PRKCH: variants seen among roughly 807,000 people sequenced by gnomAD.
PRKCH encodes the protein protein kinase C eta, also known as protein kinase C eta type.
In PRKCH, 28 loss-of-function variants were observed where a neutral mutation model predicts 82.5. That is an observed-to-expected ratio of 0.34 (90% CI 0.25 to 0.47). PRKCH has a LOEUF of 0.47. Among genes scored for constraint, PRKCH ranks in the 20% least tolerant of loss-of-function variants. PRKCH has a pLI of 1.00. For missense variants in PRKCH, 705 were observed against 881.8 expected, an observed-to-expected ratio of 0.80 and a Z score of 2.54; for synonymous variants, 322 against 327.4, an observed-to-expected ratio of 0.98 and a Z score of 0.18.
At chr14:61,332,959 C>T (rs936394146) in intron 1 of PRKCH, among the ~76,000 whole-genome samples, 9 of 152,254 alleles carry the variant, frequency 5.9e-5, no homozygotes, top group South Asian at 4.1e-4. Context: ...GTAATGGTTC[C>T]GTTGGACAAT....
At chr14:61,412,632 G>A in intron 2 of PRKCH, among the ~76,000 whole-genome samples, 1 of 152,154 alleles carries the variant, frequency 6.6e-6, no homozygotes, top group East Asian at 1.9e-4. Flanking sequence ...ACAGATGATT[G>A]GATGTTGCTG....
chr14:61,388,575 AG>A (rs757953999), intron 1 of PRKCH, among the ~76,000 whole-genome samples: 4 of 152,156 alleles, frequency 2.6e-5, no homozygotes, highest in Non-Finnish European at 5.9e-5. Context: ...TTATGTTGTG[AG>A]GTCGAATGTA....
At chr14:61,394,027 A>T (rs1397874552) in intron 2 of PRKCH, among the ~76,000 whole-genome samples, 1 of 152,216 alleles carries the variant, frequency 6.6e-6, no homozygotes, top group Non-Finnish European at 1.5e-5. Context: ...CACCATTACT[A>T]AAACCTCATG....
intron 1 of PRKCH, among the ~76,000 whole-genome samples, chr14:61,286,976 C>T (rs964002243): frequency 2.0e-5 from 3 of 151,960 alleles, no homozygotes; most frequent in Non-Finnish European, 2.9e-5. Context: ...GAGGCCAAGG[C>T]GGGTGGATCA....
chr14:61,407,676 T>C (rs1424592594), intron 2 of PRKCH, among the ~76,000 whole-genome samples: 3 of 152,180 alleles, frequency 2.0e-5, no homozygotes, highest in African/African-American at 7.2e-5. Context: ...TTTGAGACTT[T>C]TAATTCCTAC....
chr14:61,357,602 G>A (rs573387449), intron 1 of PRKCH, among the ~76,000 whole-genome samples: 14 of 152,132 alleles, frequency 9.2e-5, no homozygotes, highest in African/African-American at 3.4e-4. Flanking sequence ...TGTGCTTCTC[G>A]TACCTACTAA....
intron 1 of PRKCH, among the ~76,000 whole-genome samples, chr14:61,313,402 C>G (rs1345041903): frequency 6.6e-6 from 1 of 152,158 alleles, no homozygotes; most frequent in Non-Finnish European, 1.5e-5. Flanking sequence ...GCTTCTATCA[C>G]TAATCCTTTT....
intron 1 of PRKCH, among the ~76,000 whole-genome samples, chr14:61,259,512 T>G (rs928577451): frequency 6.6e-6 from 1 of 152,216 alleles, no homozygotes; most frequent in Non-Finnish European, 1.5e-5. Context: ...CTTGTTAAAC[T>G]GAAATTCAGG....
In PRKCH at chr14:61,250,086, C is replaced by CT. The variant is rs1320220523; in HGVS notation, c.-19+62418_-19+62419insT. Among the ~76,000 whole-genome samples, 4 of 148,256 alleles carry CT rather than the reference C, an allele frequency of 2.7e-5. 1 individual carries two copies. The highest frequency in any genetic ancestry group is 9.9e-5 in the African/African-American group (4 of 40,436). Reference sequence around the variant, plus strand: ...GCCAGCCTGGCCAACATGGTGAAACCCCATCTCTACTAAAAATAGAAAAAT... The same window carrying CT: ...GCCAGCCTGGCCAACATGGTGAAACCTCCATCTCTACTAAAAATAGAAAAAT... On this transcript the variant is annotated intron_variant, in intron 1 of 3. Coordinates refer to the PRKCH transcript ENST00000555185.
At chr14:61,341,782 A>G (rs2045932531) in intron 1 of PRKCH, among the ~76,000 whole-genome samples, 1 of 152,162 alleles carries the variant, frequency 6.6e-6, no homozygotes, top group South Asian at 2.1e-4. Flanking sequence ...TATTTTTCCC[A>G]TGGAATTTTA....
chr14:61,324,567 T>A (rs1594912921), intron 1 of PRKCH, among the ~76,000 whole-genome samples: 1 of 152,186 alleles, frequency 6.6e-6, no homozygotes, highest in Middle Eastern at 3.4e-3. Context: ...GTTAAAAAAA[T>A]TTGGAAATAT....
At chr14:61,301,179 A>G (rs1478872058) in intron 1 of PRKCH, among the ~76,000 whole-genome samples, 2 of 152,110 alleles carry the variant, frequency 1.3e-5, no homozygotes, top group African/African-American at 4.8e-5. Context: ...GAGAGAAGGA[A>G]CCTCAGGTAT....
chr14:61,474,389 C>T (rs1027898101), intron 9 of PRKCH, among the ~76,000 whole-genome samples: 16 of 152,190 alleles, frequency 1.1e-4, no homozygotes, highest in African/African-American at 3.9e-4. Flanking sequence ...AATTTAGCCT[C>T]CATACCTTTA....
intron 1 of PRKCH, among the ~76,000 whole-genome samples, chr14:61,374,365 C>G (rs1352311576): frequency 6.6e-6 from 1 of 152,130 alleles, no homozygotes; most frequent in Non-Finnish European, 1.5e-5. Context: ...AGGACAATGT[C>G]TGTCTTCCCA....
At position 61,391,218 on chromosome 14, in the gene PRKCH, T is replaced by G. The variant is rs2046675408; in HGVS notation, c.364-7T>G. 2 of 1,606,694 alleles carry G rather than the reference T, an allele frequency of 1.2e-6. No individual in the cohort carries two copies. Among genetic ancestry groups the G allele is most frequent in the African/African-American group, 2.7e-5 (2 of 74,520 alleles). On this transcript the variant is annotated splice_region_variant and splice_polypyrimidine_tract_variant and intron_variant, in intron 1 of 13. Transcript: ENST00000332981. ...CATATAATATACATTTTTTTTTCTC[T>G]TTGTAGGTGGATCTCGAGCCAGAGG...
intron 5 of PRKCH, among the ~76,000 whole-genome samples, chr14:61,449,555 G>T (rs890491765): frequency 9.9e-5 from 15 of 152,118 alleles, no homozygotes; most frequent in African/African-American, 2.2e-4. Context: ...TATATGGATT[G>T]GTTCTACTTA....
chr14:61,482,762 G>T (rs1439647998), intron 9 of PRKCH, among the ~76,000 whole-genome samples: 3 of 152,196 alleles, frequency 2.0e-5, no homozygotes, highest in Non-Finnish European at 4.4e-5. Flanking sequence ...AGGTGAATCT[G>T]CCAGAGTCTG....
At chr14:61,536,059 T>G (rs1566933544) in intron 12 of PRKCH, among the ~76,000 whole-genome samples, 1 of 152,180 alleles carries the variant, frequency 6.6e-6, no homozygotes, top group Non-Finnish European at 1.5e-5. Flanking sequence ...GGGAAATGGT[T>G]TACAATACAA....
intron 9 of PRKCH, among the ~76,000 whole-genome samples, chr14:61,462,528 C>T (rs945019663): frequency 9.2e-5 from 14 of 152,328 alleles, no homozygotes; most frequent in Admixed American, 5.2e-4. Flanking sequence ...AGCATTTGCT[C>T]GCTGTGCATT....
Sources: gnomAD v4.1 joint callset for allele counts (sites outside exome capture counted in the v4.1 genomes callset) on GRCh38, gnomAD v4.1.1 for gene constraint, MANE v1.5 for transcripts, NCBI Gene and HGNC (gene_info 2026-07-23, HGNC 2026-07-21) for gene names.